Variants in TEX11 observed in about 807,000 individuals in gnomAD.
TEX11 encodes the protein testis-expressed protein 11.
Under a neutral mutation model 84.4 loss-of-function variants are expected in TEX11, and 7 were observed. That is an observed-to-expected ratio of 0.08 (90% CI 0.05 to 0.16). The LOEUF is 0.16. Among genes scored for constraint, TEX11 ranks in the 10% least tolerant of loss-of-function variants. The pLI, the probability that TEX11 is intolerant of heterozygous loss-of-function variation, is 1.00. For missense variants in TEX11, 551 were observed against 660.5 expected (o/e 0.83, Z 1.82); for synonymous variants, 264 against 222.8 (o/e 1.18, Z -1.64).
intron 28 of TEX11, among the ~76,000 whole-genome samples, chrX:70,537,857 T>A (rs990592376): frequency 1.3e-4 from 15 of 111,355 alleles, no homozygotes; most frequent in African/African-American, 4.9e-4. Flanking sequence ...TCACTTAGGA[T>A]AATAAATAAC....
At chrX:70,903,603 C>T (rs915576226) in intron 2 of TEX11, among the ~76,000 whole-genome samples, 7 of 109,989 alleles carry the variant, frequency 6.4e-5, no homozygotes, top group Non-Finnish European at 1.3e-4. Flanking sequence ...AGAAATAACA[C>T]GAAAAGGATA....
At chrX:70,832,743 T>G (rs993151732) in intron 8 of TEX11, among the ~76,000 whole-genome samples, 1 of 111,488 alleles carries the variant, frequency 9.0e-6, no homozygotes, top group Non-Finnish European at 1.9e-5. Context: ...AAACTATGTA[T>G]TTAGGAATTT....
intron 13 of TEX11, among the ~76,000 whole-genome samples, chrX:70,683,815 G>A (rs1485178233): frequency 1.8e-5 from 2 of 111,749 alleles, no homozygotes; most frequent in African/African-American, 6.5e-5. Context: ...TGTGGAACTG[G>A]CATAAAGATA....
chrX:70,641,584 C>A (rs1471162574), intron 17 of TEX11, among the ~76,000 whole-genome samples: 3 of 111,740 alleles, frequency 2.7e-5, no homozygotes, highest in Non-Finnish European at 5.6e-5. Flanking sequence ...GTCCACAGTG[C>A]AATCAAACTA....
At chrX:70,874,606 A>C (rs1349629296) in intron 3 of TEX11, among the ~76,000 whole-genome samples, 1 of 106,781 alleles carries the variant, frequency 9.4e-6, no homozygotes, top group Non-Finnish European at 1.9e-5. Context: ...TTCACCATGT[A>C]GGCCAGACTG....
chrX:70,625,435 A>C (rs999172274), intron 18 of TEX11, among the ~76,000 whole-genome samples: 1 of 111,473 alleles, frequency 9.0e-6, no homozygotes, highest in African/African-American at 3.3e-5. Flanking sequence ...TTCTTGCTCT[A>C]ATGGAAATCT....
chrX:70,604,075 GAGAA>G (rs1156232434), intron 24 of TEX11, among the ~76,000 whole-genome samples: 1 of 111,418 alleles, frequency 9.0e-6, no homozygotes, highest in African/African-American at 3.3e-5. Context: ...AGGTGTACAT[GAGAA>G]AGAACACAGA....
At chrX:70,902,280 TA>T (rs1242568554) in intron 2 of TEX11, among the ~76,000 whole-genome samples, 6 of 110,503 alleles carry the variant, frequency 5.4e-5, no homozygotes, top group Non-Finnish European at 1.1e-4. Flanking sequence ...TTTTATAAGA[TA>T]AAAAAAGGTA....
At chrX:70,522,715 T>C in the TEX11 span, among the ~76,000 whole-genome samples, 1 of 109,198 alleles carries the variant, frequency 9.2e-6, no homozygotes, top group Non-Finnish European at 1.9e-5. Context: ...GTATTTTTTT[T>C]TTTTTTTAGT....
Position 70,833,194 on chromosome X carries a change from C to T in TEX11, c.606+319G>A, listed in dbSNP as rs778022457. Among the ~76,000 whole-genome samples the T allele has an allele frequency of 8.4e-5, 9 of 107,463 alleles. No individual in the cohort carries two copies. In the East Asian group the frequency reaches 2.0e-3, roughly 24 times the overall value. 93.3% of individuals were successfully genotyped at this position (107,463 alleles called of 115,157 possible). A position where few individuals can be genotyped will look rare whatever the true frequency, so the allele number is the denominator to read the frequency against. ...CTGAGGCACAAGAATCACTTGAACC[C>T]GGGAGGTGGAGGTTGCAGTGAGCTG... On this transcript the variant is annotated intron_variant, in intron 8 of 29. Coordinates refer to ENST00000374333, the MANE Select transcript of TEX11 (RefSeq NM_031276.3).
At chrX:70,569,293 A>T (rs1318530569) in intron 25 of TEX11, among the ~76,000 whole-genome samples, 1 of 111,167 alleles carries the variant, frequency 9.0e-6, no homozygotes, top group African/African-American at 3.3e-5. Flanking sequence ...TGGTTATTCT[A>T]GTTATATATT....
intron 13 of TEX11, among the ~76,000 whole-genome samples, chrX:70,698,445 G>C (rs1306171407): frequency 9.2e-6 from 1 of 108,215 alleles, no homozygotes; most frequent in Admixed American, 1.0e-4. Flanking sequence ...CAGACTGATG[G>C]AAAAATCAAG....
intron 9 of TEX11, among the ~76,000 whole-genome samples, chrX:70,762,253 A>C (rs1335458923): frequency 8.9e-6 from 1 of 112,205 alleles, no homozygotes; most frequent in African/African-American, 3.2e-5. Flanking sequence ...ACACAGAAAA[A>C]CACAGAATAT....
intron 9 of TEX11, among the ~76,000 whole-genome samples, chrX:70,759,252 T>C (rs2090891326): frequency 8.9e-6 from 1 of 111,802 alleles, no homozygotes; most frequent in African/African-American, 3.3e-5. Context: ...GAGGGACTCC[T>C]CCCTAACTCA....
chrX:70,728,147 C>A (rs1383498478), intron 11 of TEX11, among the ~76,000 whole-genome samples: 1 of 112,689 alleles, frequency 8.9e-6, no homozygotes, highest in East Asian at 2.8e-4. Context: ...TGAATCAGCA[C>A]CATCTGGGAA....
intron 17 of TEX11, among the ~76,000 whole-genome samples, chrX:70,636,117 C>T (rs1298590993): frequency 9.0e-6 from 1 of 111,041 alleles, no homozygotes; most frequent in Non-Finnish European, 1.9e-5. Context: ...ACCTCACAGA[C>T]CTAGCCTCCA....
rs1220744701 is a variant in TEX11, at chrX:70,629,688, A to G, written c.1531T>C (p.Ser511Pro). 1.6e-5 allele frequency: 19 copies of G among 1,189,580 alleles called. No individual in the cohort carries two copies. Among genetic ancestry groups the G allele is most frequent in the Non-Finnish European group, 2.2e-5 (19 of 879,409 alleles). The change falls in exon 18 of 30, where the codon TCA (serine) becomes CCA (proline). Residue 511 changes from serine to proline, a missense_variant. Transcript: ENST00000374333. The part of the protein sequence containing the change: ...TLENILTDEE[S>P]EDNDLVAERG... ...TCTGCAACTAGATCATTATCTTCTG[A>G]CTCTTCATCTGTTAATATATTCTCT...
intron 1 of TEX11, among the ~76,000 whole-genome samples, chrX:70,908,359 G>A (rs1433618960): frequency 1.8e-5 from 2 of 109,747 alleles, no homozygotes; most frequent in African/African-American, 3.3e-5. Context: ...CAACAGTCCC[G>A]CTTCAACGTA....
rs947189226 is a variant in TEX11 at position 70,596,374 on chromosome X, C to T, written c.2068-4551G>A. Among the ~76,000 whole-genome samples, 3 of 111,660 alleles carry T rather than the reference C, an allele frequency of 2.7e-5. No homozygotes were observed. In the East Asian group the frequency reaches 8.4e-4, roughly 31 times the overall value. ...ATGCATGGCACTTTCTCTAGGATAG[C>T]TGACATGCTAGGCCATAACACAAAC... On this transcript the variant is annotated intron_variant, in intron 24 of 29. Coordinates refer to ENST00000374333, the MANE Select transcript of TEX11 (RefSeq NM_031276.3).
Sources: allele counts gnomAD v4.1 joint callset (sites outside exome capture counted in the v4.1 genomes callset), GRCh38; gene constraint gnomAD v4.1.1; transcripts MANE v1.5; gene names NCBI Gene and HGNC (gene_info 2026-07-23, HGNC 2026-07-21).